SIK3: variants seen among roughly 807,000 people sequenced by gnomAD.
SIK3 encodes the protein SIK family kinase 3.
In SIK3, 28 loss-of-function variants were observed where a neutral mutation model predicts 144.2. That is an observed-to-expected ratio of 0.19 (90% confidence interval 0.14 to 0.27). The LOEUF (loss-of-function observed/expected upper bound fraction) is 0.27. Ranked by LOEUF, SIK3 falls within the 10% of genes least tolerant of loss-of-function variation. The probability of loss-of-function intolerance (pLI) is 1.00; values close to 1 mark genes in which losing one functional copy is unlikely to be tolerated. For missense variants in SIK3, 1,319 were observed against 1,776.0 expected, an observed-to-expected ratio of 0.74 and a Z score of 4.62; for synonymous variants, 686 against 676.3, an observed-to-expected ratio of 1.01 and a Z score of -0.22.
chr11:117,098,147 G>T lies in SIK3; in HGVS notation c.269C>A (p.Ala90Asp). ...GCCTGGCCCCTGCGCCGGTACCTTG[G>T]CCTTGGTGACGAGGTGCGTGGCCCG... ...VKRATHLVTKAKVAIKIIDKT... is the reference protein window; with the variant it reads ...VKRATHLVTKDKVAIKIIDKT... The change falls in exon 1 of 25, where the codon GCC (alanine) becomes GAC (aspartate). Residue 90 changes from alanine (A) to aspartate (D), a missense_variant. Coordinates refer to ENST00000445177, the MANE Select transcript of SIK3 (RefSeq NM_001366686.3). The T allele has an allele frequency of 1.3e-6, 2 of 1,495,690 alleles. No homozygotes were observed. The highest frequency in any genetic ancestry group is 1.2e-5 in the South Asian group (1 of 84,478). The allele number at this position is 1,495,690 out of a possible 1,614,324, so 92.7% of individuals were successfully genotyped here.
At chr11:116,884,962 C>T (rs1464291060) in intron 6 of SIK3, among the ~76,000 whole-genome samples, 3 of 151,908 alleles carry the variant, frequency 2.0e-5, no homozygotes, top group East Asian at 1.9e-4. Flanking sequence ...TTCAGTTGCT[C>T]GGGGGAAGAA....
At chr11:117,085,656 T>C (rs1212861600) in intron 1 of SIK3, among the ~76,000 whole-genome samples, 3 of 152,148 alleles carry the variant, frequency 2.0e-5, no homozygotes, top group Admixed American at 6.5e-5. Context: ...CTTTCATTTA[T>C]GTTTGAAATT....
intron 21 of SIK3, among the ~76,000 whole-genome samples, chr11:116,851,859 G>C (rs1942479010): frequency 6.6e-6 from 1 of 152,222 alleles, no homozygotes. Flanking sequence ...GTGGGAGTGA[G>C]GAAATGGTGA....
chr11:117,090,058 A>G (rs1166607727), intron 1 of SIK3, among the ~76,000 whole-genome samples: 1 of 152,242 alleles, frequency 6.6e-6, no homozygotes, highest in Non-Finnish European at 1.5e-5. Flanking sequence ...CAGATCCAAA[A>G]GAAGTCTTTC....
chr11:117,075,968 CCT>C (rs1488104373), intron 1 of SIK3, among the ~76,000 whole-genome samples: 4 of 150,964 alleles, frequency 2.6e-5, no homozygotes, highest in Admixed American at 1.3e-4. Context: ...CCTGCCTCAG[CCT>C]CTCTAGTAGC....
At chr11:116,995,680 G>C (rs1478287285) in intron 1 of SIK3, among the ~76,000 whole-genome samples, 2 of 152,040 alleles carry the variant, frequency 1.3e-5, no homozygotes, top group South Asian at 4.1e-4. Context: ...TCAACAACCT[G>C]GCTCCTAAGA....
intron 1 of SIK3, among the ~76,000 whole-genome samples, chr11:117,089,157 G>A (rs1955137558): frequency 6.6e-6 from 1 of 151,918 alleles, no homozygotes. Context: ...TGTAATCCCA[G>A]CACTTTGGGA....
At chr11:116,865,986 C>T (rs938906794) in intron 15 of SIK3, among the ~76,000 whole-genome samples, 2 of 152,086 alleles carry the variant, frequency 1.3e-5, no homozygotes, top group Non-Finnish European at 2.9e-5. Context: ...CACAGGCAAC[C>T]CTCAAAACAC....
intron 3 of SIK3, among the ~76,000 whole-genome samples, chr11:116,947,627 A>G (rs146056222): frequency 0.15 from 21,735 of 147,046 alleles, 2,240 homozygotes; most frequent in African/African-American, 0.29. Context: ...GTGCAGTGGC[A>G]CGATCTCGGC....
chr11:116,976,227 A>G (rs574224040), intron 1 of SIK3, among the ~76,000 whole-genome samples: 1 of 152,222 alleles, frequency 6.6e-6, no homozygotes, highest in African/African-American at 2.4e-5. Context: ...CCATTTATCT[A>G]TTTTTCCCTT....
intron 1 of SIK3, among the ~76,000 whole-genome samples, chr11:117,086,350 T>C (rs886658484): frequency 1.3e-5 from 2 of 152,230 alleles, no homozygotes; most frequent in African/African-American, 4.8e-5. Flanking sequence ...ACAACTTTTA[T>C]TAATCTCTGA....
At chr11:116,879,783 G>C (rs984924634) in intron 6 of SIK3, among the ~76,000 whole-genome samples, 1 of 152,116 alleles carries the variant, frequency 6.6e-6, no homozygotes, top group African/African-American at 2.4e-5. Context: ...CATTCCTATA[G>C]AATAAAGTAA....
intron 1 of SIK3, among the ~76,000 whole-genome samples, chr11:116,965,957 A>AGGAAAGAAGGAGGAC (rs1397312804): frequency 6.6e-6 from 1 of 150,834 alleles, no homozygotes; most frequent in Admixed American, 6.6e-5. Flanking sequence ...AGGGAAGAGC[A>AGGAAAGAAGGAGGAC]GGAAAGAAGG....
intron 1 of SIK3, among the ~76,000 whole-genome samples, chr11:117,013,912 GA>G (rs1378385926): frequency 2.5e-4 from 9 of 36,300 alleles, no homozygotes; most frequent in African/African-American, 8.0e-4. Flanking sequence ...GGGGGGGGGG[GA>G]GGGTGTGTGT....
rs980037009 is a variant in SIK3, at chr11:116,913,294, G to GA, written c.616+13924dup. On this transcript the variant is annotated intron_variant, in intron 4 of 24. Transcript: ENST00000445177. ...ATACACAAGAGAAAATTCCTTCAAG[G>GA]AAAAAAAAAAAATCAAGTAATCATC... is the stretch of plus-strand genomic sequence containing the variant. Among the ~76,000 whole-genome samples, 1,077 of 142,960 alleles carry GA rather than the reference G, an allele frequency of 7.5e-3. 8 individuals are homozygous for GA. The highest frequency in any genetic ancestry group is 0.011 in the Non-Finnish European group (710 of 64,976). 93.8% of individuals were successfully genotyped at this position (142,960 alleles called of 152,430 possible).
At chr11:116,896,104 C>A in intron 6 of SIK3, 149 bp downstream of exon 6, 1 of 1,038,800 alleles carries the variant, frequency 9.6e-7, no homozygotes, top group Non-Finnish European at 1.4e-6. Flanking sequence ...TCTACAGAAC[C>A]TTGCCTCCTG....
intron 1 of SIK3, among the ~76,000 whole-genome samples, chr11:117,016,350 G>A (rs1951524104): frequency 7.9e-6 from 1 of 126,406 alleles, no homozygotes; most frequent in Non-Finnish European, 1.7e-5. Context: ...AGGAAGGAGG[G>A]AGGGAGGGAG....
chr11:116,945,543 T>C (rs1948549824), intron 3 of SIK3, among the ~76,000 whole-genome samples: 1 of 151,996 alleles, frequency 6.6e-6, no homozygotes, highest in African/African-American at 2.4e-5. Flanking sequence ...AAATTCTTAT[T>C]TAAGATCAGT....
At chr11:116,885,054 C>A (rs1308199856) in intron 6 of SIK3, among the ~76,000 whole-genome samples, 1 of 152,144 alleles carries the variant, frequency 6.6e-6, no homozygotes, top group Non-Finnish European at 1.5e-5. Context: ...GGAGAATTAT[C>A]CATTTAACTA....
Sources: gnomAD v4.1 joint callset for allele counts (sites outside exome capture counted in the v4.1 genomes callset) on GRCh38, gnomAD v4.1.1 for gene constraint, MANE v1.5 for transcripts, NCBI Gene and HGNC (gene_info 2026-07-23, HGNC 2026-07-21) for gene names.